UBE3D: variants seen among roughly 807,000 people sequenced by gnomAD.
UBE3D encodes the protein ubiquitin protein ligase E3D.
In UBE3D, 48 loss-of-function variants were observed where a neutral mutation model predicts 49.6. That is an observed-to-expected ratio of 0.97 (90% confidence interval 0.77 to 1.23). The LOEUF (loss-of-function observed/expected upper bound fraction) is 1.23, where lower values mean the gene tolerates loss of function less well. Among genes scored for constraint, UBE3D ranks in the 50% most tolerant of loss-of-function variants. UBE3D has a pLI of 0.00. For synonymous variants in UBE3D, 189 were observed against 174.2 expected (o/e 1.08, Z -0.67); for missense variants, 452 against 468.4 (o/e 0.96, Z 0.32).
chr6:83,033,571 T>C (rs575765632), intron 5 of UBE3D, among the ~76,000 whole-genome samples: 124 of 152,190 alleles, frequency 8.1e-4, no homozygotes, highest in Middle Eastern at 3.4e-3. Context: ...TCTTACAAGA[T>C]CCACTAGTTT....
At chr6:82,906,182 G>A in intron 9 of UBE3D, among the ~76,000 whole-genome samples, 1 of 151,856 alleles carries the variant, frequency 6.6e-6, no homozygotes, top group Non-Finnish European at 1.5e-5. Context: ...GAATCCAAAT[G>A]TGGTCCACAT....
chr6:82,998,021 A>T (rs1582591854), intron 8 of UBE3D, among the ~76,000 whole-genome samples: 1 of 152,112 alleles, frequency 6.6e-6, no homozygotes, highest in Non-Finnish European at 1.5e-5. Context: ...GACAAGAGTA[A>T]GGTTCTGGCA....
At chr6:82,915,049 C>T (rs553839847) in intron 9 of UBE3D, among the ~76,000 whole-genome samples, 1 of 152,124 alleles carries the variant, frequency 6.6e-6, no homozygotes, top group South Asian at 2.1e-4. Flanking sequence ...GCTCTCCCTT[C>T]CATTTTTTCT....
intron 9 of UBE3D, among the ~76,000 whole-genome samples, chr6:82,956,603 C>A (rs1582460844): frequency 6.6e-6 from 1 of 152,278 alleles, no homozygotes; most frequent in South Asian, 2.1e-4. Context: ...GGCAATTTGA[C>A]TTCAGGCTAA....
intron 5 of UBE3D, among the ~76,000 whole-genome samples, chr6:83,035,453 T>C (rs1445815068): frequency 1.3e-5 from 2 of 152,216 alleles, no homozygotes; most frequent in African/African-American, 4.8e-5. Context: ...CTTTTATTAT[T>C]TTCATATTTG....
At chr6:82,975,431 G>A (rs2127712005) in intron 8 of UBE3D, among the ~76,000 whole-genome samples, 1 of 152,294 alleles carries the variant, frequency 6.6e-6, no homozygotes, top group South Asian at 2.1e-4. Context: ...AGAGGTGCAA[G>A]CAAAGAAGAG....
At chr6:83,047,317 T>C (rs1190443616) in intron 3 of UBE3D, among the ~76,000 whole-genome samples, 2 of 152,174 alleles carry the variant, frequency 1.3e-5, no homozygotes, top group African/African-American at 4.8e-5. Flanking sequence ...GGAAGAAATA[T>C]GAATGAGCTG....
At chr6:82,930,836 T>C (rs1774089248) in intron 9 of UBE3D, among the ~76,000 whole-genome samples, 1 of 152,168 alleles carries the variant, frequency 6.6e-6, no homozygotes, top group African/African-American at 2.4e-5. Flanking sequence ...AAAAACTCAT[T>C]TTCTGGGAAG....
downstream of UBE3D, among the ~76,000 whole-genome samples, chr6:82,891,576 C>T (rs542508003): frequency 6.6e-6 from 1 of 152,314 alleles, no homozygotes; most frequent in African/African-American, 2.4e-5. Context: ...GCAGGATCAA[C>T]AGTTGGGTAT....
At chr6:83,027,457 A>AAAAAAAAAAAAAAAAAAAAAAAC (rs1781558438) in intron 5 of UBE3D, among the ~76,000 whole-genome samples, 1 of 148,328 alleles carries the variant, frequency 6.7e-6, no homozygotes, top group Non-Finnish European at 1.5e-5. Context: ...AAAAAAAAAA[A>AAAAAAAAAAAAAAAAAAAAAAAC]AAAAGAAACC....
At chr6:82,964,118 T>A (rs1221269481) in intron 8 of UBE3D, among the ~76,000 whole-genome samples, 1 of 151,546 alleles carries the variant, frequency 6.6e-6, no homozygotes, top group Non-Finnish European at 1.5e-5. Flanking sequence ...GGACACACCA[T>A]CCTTATTTCT....
chr6:82,966,649 CAAAAAAAAAAA>C (rs1204365470), intron 8 of UBE3D, among the ~76,000 whole-genome samples: 3 of 25,090 alleles, frequency 1.2e-4, no homozygotes, highest in Non-Finnish European at 2.2e-4. Flanking sequence ...GACTCCGTCT[CAAAAAAAAAAA>C]AAAAAAAAAA....
At chr6:82,953,920 C>G (rs1320006152) in intron 9 of UBE3D, among the ~76,000 whole-genome samples, 1 of 152,180 alleles carries the variant, frequency 6.6e-6, no homozygotes, top group East Asian at 1.9e-4. Context: ...CGACAAGAAG[C>G]AGGTGGCCAT....
At chr6:82,919,251 G>C (rs1348811873) in intron 9 of UBE3D, among the ~76,000 whole-genome samples, 1 of 152,014 alleles carries the variant, frequency 6.6e-6, no homozygotes, top group African/African-American at 2.4e-5. Flanking sequence ...AAGAAGAGGG[G>C]TGGGTTAAGT....
At chr6:83,020,134 C>T (rs894717771) in intron 7 of UBE3D, among the ~76,000 whole-genome samples, 1 of 151,368 alleles carries the variant, frequency 6.6e-6, no homozygotes, top group Admixed American at 6.6e-5. Context: ...TATACAAATT[C>T]TTATATTACA....
rs543001747 is a variant in UBE3D, at chr6:82,927,892, G to A, written c.1149+29420C>T. ...CAGTCGGTGCCAGTAGTTGTGGGGG[G>A]AGGAAGGCATGAACAGGTAGAGCAC... On this transcript the variant is annotated intron_variant, in intron 9 of 9. Transcript: ENST00000369747. Among the ~76,000 whole-genome samples the A allele has an allele frequency of 1.6e-3, 243 of 152,026 alleles. 2 individuals are homozygous for A. Among genetic ancestry groups the A allele is most frequent in the African/African-American group, 4.8e-3 (201 of 41,532 alleles).
At chr6:82,889,592 C>G (rs796144494), downstream of UBE3D, among the ~76,000 whole-genome samples, 6 of 152,168 alleles carry the variant, frequency 3.9e-5, no homozygotes, top group African/African-American at 1.4e-4. Context: ...ATACAGTATA[C>G]ATACACTTTA....
chr6:82,974,431 T>A (rs1389690131), intron 8 of UBE3D, among the ~76,000 whole-genome samples: 1 of 152,190 alleles, frequency 6.6e-6, no homozygotes, highest in African/African-American at 2.4e-5. Context: ...TGTTTGCATA[T>A]AACCTGCACA....
At chr6:82,953,878 C>G (rs987866641) in intron 9 of UBE3D, among the ~76,000 whole-genome samples, 1 of 152,188 alleles carries the variant, frequency 6.6e-6, no homozygotes, top group Non-Finnish European at 1.5e-5. Context: ...TTGGGCCTCT[C>G]CTCAGAGGGG....
Sources: allele counts gnomAD v4.1 joint callset (sites outside exome capture counted in the v4.1 genomes callset), GRCh38; gene constraint gnomAD v4.1.1; transcripts MANE v1.5; gene names NCBI Gene and HGNC (gene_info 2026-07-23, HGNC 2026-07-21).